Variants in PLAAT1 observed in about 807,000 individuals in gnomAD.
PLAAT1 encodes the protein phospholipase A and acyltransferase 1.
Under a neutral mutation model 16.4 loss-of-function variants are expected in PLAAT1, and 13 were observed. That is an observed-to-expected ratio of 0.79 (90% CI 0.52 to 1.26). The LOEUF is 1.26. PLAAT1 is among the 50% of genes most tolerant of loss of function. PLAAT1 has a pLI of 0.00. For synonymous variants in PLAAT1, 73 were observed against 78.4 expected (o/e 0.93, Z 0.36); for missense variants, 218 against 207.8 (o/e 1.05, Z -0.30).
At chr3:193,262,200 T>G (rs1392610558) in intron 2 of PLAAT1, among the ~76,000 whole-genome samples, 1 of 152,126 alleles carries the variant, frequency 6.6e-6, no homozygotes, top group African/African-American at 2.4e-5. Flanking sequence ...CCTGGCAGAC[T>G]AGGCAAATGC....
At chr3:193,266,639 C>T (rs1716786282) in intron 3 of PLAAT1, among the ~76,000 whole-genome samples, 1 of 152,106 alleles carries the variant, frequency 6.6e-6, no homozygotes, top group African/African-American at 2.4e-5. Context: ...TTCTAATCAA[C>T]ACAGATCGTT....
chr3:193,242,802 G>A (rs1715824711), intron 1 of PLAAT1, among the ~76,000 whole-genome samples: 1 of 152,224 alleles, frequency 6.6e-6, no homozygotes, highest in Admixed American at 6.5e-5. Context: ...CACAGTGTAG[G>A]AGGATTATGG....
chr3:193,248,138 CCTT>C (rs1311414261), intron 1 of PLAAT1, among the ~76,000 whole-genome samples: 1 of 151,930 alleles, frequency 6.6e-6, no homozygotes, highest in Non-Finnish European at 1.5e-5. Context: ...TGAATTGACC[CCTT>C]CATCATTATA....
At chr3:193,258,645 T>C (rs1716468758) in intron 2 of PLAAT1, among the ~76,000 whole-genome samples, 1 of 152,012 alleles carries the variant, frequency 6.6e-6, no homozygotes. Context: ...TTAGAAAATT[T>C]AGAGGAAATG....
chr3:193,267,609 C>A (rs1177632835), intron 3 of PLAAT1, among the ~76,000 whole-genome samples: 1 of 152,140 alleles, frequency 6.6e-6, no homozygotes, highest in Non-Finnish European at 1.5e-5. Context: ...ATCCATTCAC[C>A]CACTGAAGGA....
intron 1 of PLAAT1, among the ~76,000 whole-genome samples, chr3:193,252,017 A>T (rs1286813092): frequency 6.6e-6 from 1 of 152,180 alleles, no homozygotes; most frequent in East Asian, 1.9e-4. Flanking sequence ...CTATAAAGGA[A>T]TATTTGAGAC....
At chr3:193,245,150 A>G (rs1475715318) in intron 1 of PLAAT1, among the ~76,000 whole-genome samples, 1 of 152,180 alleles carries the variant, frequency 6.6e-6, no homozygotes, top group Non-Finnish European at 1.5e-5. Flanking sequence ...CTACTTCTTC[A>G]GTCTAACTGA....
At chr3:193,243,216 A>G (rs1213215848) in intron 1 of PLAAT1, among the ~76,000 whole-genome samples, 6 of 152,176 alleles carry the variant, frequency 3.9e-5, no homozygotes, top group Non-Finnish European at 8.8e-5. Context: ...TTTACCTTAA[A>G]GATTGTAGTA....
chr3:193,261,509 A>T (rs1386911201), intron 2 of PLAAT1, among the ~76,000 whole-genome samples: 1 of 152,182 alleles, frequency 6.6e-6, no homozygotes, highest in East Asian at 1.9e-4. Flanking sequence ...TTTTTGCAAC[A>T]TTTTAAAGTA....
downstream of PLAAT1, among the ~76,000 whole-genome samples, chr3:193,271,681 C>T (rs896149227): frequency 6.6e-6 from 1 of 152,056 alleles, no homozygotes; most frequent in Non-Finnish European, 1.5e-5. Flanking sequence ...CAATGACATC[C>T]GTCTTATGCT....
At chr3:193,263,543 G>A (rs1264709185) in intron 3 of PLAAT1, among the ~76,000 whole-genome samples, 1 of 152,102 alleles carries the variant, frequency 6.6e-6, no homozygotes, top group Non-Finnish European at 1.5e-5. Flanking sequence ...TCAAATTGGT[G>A]ATCTCATATA....
Position 193,241,481 on chromosome 3 carries a change from G to C in PLAAT1, c.-53G>C. The stretch of plus-strand genomic sequence containing the variant: ...GCTGCGAGGCCAAGAGAGACCCCAG[G>C]ACACACACAGCTGCCTCCCGGTGCG... On this transcript the variant is annotated 5_prime_UTR_variant, in exon 1 of 4. Coordinates refer to ENST00000264735, the MANE Select transcript of PLAAT1 (RefSeq NM_020386.5). The C allele has an allele frequency of 8.1e-7, 1 of 1,231,994 alleles. No homozygotes were observed. The highest frequency in any genetic ancestry group is 1.0e-6 in the Non-Finnish European group (1 of 988,212). 76.3% of individuals were successfully genotyped at this position (1,231,994 alleles called of 1,614,324 possible).
At chr3:193,243,924 A>G (rs1715874874) in intron 1 of PLAAT1, among the ~76,000 whole-genome samples, 1 of 152,204 alleles carries the variant, frequency 6.6e-6, no homozygotes, top group African/African-American at 2.4e-5. Flanking sequence ...TTTTTAAATA[A>G]TTGTATCATT....
chr3:193,241,943 C>G (rs568182569), intron 1 of PLAAT1, among the ~76,000 whole-genome samples: 1 of 152,278 alleles, frequency 6.6e-6, no homozygotes, highest in South Asian at 2.1e-4. Context: ...TTCCTTCATT[C>G]AATGAACATT....
chr3:193,268,786 C>A (rs1716867503), intron 3 of PLAAT1, among the ~76,000 whole-genome samples: 1 of 152,094 alleles, frequency 6.6e-6, no homozygotes, highest in Non-Finnish European at 1.5e-5. Context: ...TTGCCCATCC[C>A]CCAACCAGGC....
Position 193,255,731 on chromosome 3 carries a change from C to T in PLAAT1, c.81C>T (p.Gly27=). 1 of 1,613,344 alleles carries T rather than the reference C, an allele frequency of 6.2e-7. No homozygotes were observed. The highest frequency in any genetic ancestry group is 8.5e-7 in the Non-Finnish European group (1 of 1,179,514). The change falls in exon 2 of 4, where the codon GGC becomes GGT. Residue 27 remains glycine, a synonymous_variant. Transcript: ENST00000264735. ...PGDLIEVFRP[G]YQHWALYLGD... ...ACTTGATCGAAGTGTTCCGTCCTGGCTATCAGCACTGGGCCCTGTACTTGG... is the reference window on the plus strand; with the variant it reads ...ACTTGATCGAAGTGTTCCGTCCTGGTTATCAGCACTGGGCCCTGTACTTGG...
intron 3 of PLAAT1, among the ~76,000 whole-genome samples, chr3:193,265,468 C>T (rs113046634): frequency 1.3e-5 from 2 of 152,092 alleles, no homozygotes; most frequent in African/African-American, 4.8e-5. Context: ...TTAGTGGTTG[C>T]CTGGGGCTGA....
At chr3:193,259,957 A>T (rs2108794376) in intron 2 of PLAAT1, among the ~76,000 whole-genome samples, 1 of 152,286 alleles carries the variant, frequency 6.6e-6, no homozygotes, top group Middle Eastern at 3.4e-3. Context: ...TTCAAACTCT[A>T]CTAGAAGGCT....
intron 2 of PLAAT1, among the ~76,000 whole-genome samples, chr3:193,276,010 A>G (rs1394897438): frequency 6.6e-6 from 1 of 152,140 alleles, no homozygotes; most frequent in Non-Finnish European, 1.5e-5. Flanking sequence ...TGAATGTAAT[A>G]TTTTGCCACT....
Sources: gnomAD v4.1 joint callset for allele counts (sites outside exome capture counted in the v4.1 genomes callset) on GRCh38, gnomAD v4.1.1 for gene constraint, MANE v1.5 for transcripts, NCBI Gene and HGNC (gene_info 2026-07-23, HGNC 2026-07-21) for gene names.